The following PLET1 variants were observed in gnomAD, a reference collection of about 807,000 sequenced individuals.
PLET1 encodes placenta-expressed transcript 1 protein.
In PLET1, 20 loss-of-function variants were observed where a neutral mutation model predicts 18.5. The ratio of observed to expected loss-of-function variants is 1.08; its 90% CI spans 0.76 to 1.57. The LOEUF (loss-of-function observed/expected upper bound fraction) is 1.57, where lower values mean the gene tolerates loss of function less well. Ranked by LOEUF, PLET1 falls within the 40% of genes most tolerant of loss-of-function variation. The pLI is 0.00. For missense variants in PLET1, 256 were observed against 246.4 expected (o/e 1.04, Z -0.26); for synonymous variants, 93 against 93.8 (o/e 0.99, Z 0.05).
chr11:112,259,224 T>C (rs887219278), intron 1 of PLET1, among the ~76,000 whole-genome samples: 3 of 152,188 alleles, frequency 2.0e-5, no homozygotes, highest in African/African-American at 4.8e-5. Flanking sequence ...GAAGAGTATA[T>C]AGTGGTTAAA....
intron 2 of PLET1, among the ~76,000 whole-genome samples, chr11:112,254,987 TATGTG>T (rs1318543453): frequency 9.8e-6 from 1 of 102,364 alleles, no homozygotes; most frequent in African/African-American, 3.5e-5. Context: ...GTGTGTGTGA[TATGTG>T]GTGTGTGGTA....
At chr11:112,258,277 C>G (rs1015728459) in intron 1 of PLET1, among the ~76,000 whole-genome samples, 2 of 128,384 alleles carry the variant, frequency 1.6e-5, no homozygotes, top group African/African-American at 5.6e-5. Context: ...AGATTTCTTT[C>G]TTTCTTTTTT....
chr11:112,258,573 C>A (rs1171447691), intron 1 of PLET1, among the ~76,000 whole-genome samples: 1 of 152,088 alleles, frequency 6.6e-6, no homozygotes, highest in Non-Finnish European at 1.5e-5. Flanking sequence ...TGTGAGCCAC[C>A]ATGCTCAGTG....
Position 112,248,710 on chromosome 11 carries a change from T to C in PLET1, c.*89A>G. The C allele has an allele frequency of 7.1e-7, 1 of 1,407,030 alleles. No individual in the cohort carries two copies. Among genetic ancestry groups the C allele is most frequent in the Admixed American group, 2.3e-5 (1 of 44,106 alleles). 87.2% of individuals were successfully genotyped at this position (1,407,030 alleles called of 1,614,324 possible). On this transcript the variant is annotated 3_prime_UTR_variant, in exon 4 of 4. Transcript: ENST00000338832. ...CACATTTGAGAATGTAAAGCCTTCA[T>C]TTACACACATTCGGTTCCCAGCACT... is the stretch of plus-strand genomic sequence containing the variant.
intron 2 of PLET1, among the ~76,000 whole-genome samples, chr11:112,254,190 G>GT (rs144110459): frequency 7.1e-6 from 1 of 141,174 alleles, no homozygotes; most frequent in South Asian, 2.3e-4. Flanking sequence ...GAGCATAAGT[G>GT]GTGTGTGTGT....
Position 112,248,384 on chromosome 11 carries a change from T to C in PLET1, c.*415A>G. On this transcript the variant is annotated 3_prime_UTR_variant, in exon 4 of 4. Transcript: ENST00000338832. ...TCACAGAAGTTCCTTGTAACCTGAA[T>C]GGGTTTGGTTAGAAATCTGAGATCA... The C allele has an allele frequency of 5.1e-6, 2 of 392,176 alleles. No individual in the cohort carries two copies. The highest frequency in any genetic ancestry group is 4.5e-6 in the Non-Finnish European group (1 of 222,682). The allele number at this position is 392,176 out of a possible 1,614,324, so 24.3% of individuals were successfully genotyped here. A position where few individuals can be genotyped will look rare whatever the true frequency, so the allele number is the denominator to read the frequency against.
In PLET1 at chr11:112,248,322, ATTTCTCC is replaced by A. The variant is rs532687331; in HGVS notation, c.*470_*476del. Among the ~76,000 whole-genome samples the A allele has an allele frequency of 7.4e-4, 112 of 152,292 alleles. 1 individual carries two copies. The South Asian group carries it at 9.5e-3, about 13-fold the overall frequency. On this transcript the variant is annotated 3_prime_UTR_variant, in exon 4 of 4. Coordinates refer to ENST00000338832, the MANE Select transcript of PLET1 (RefSeq NM_001145024.1). ...GGAAGCTGCCAGCAGCCTCAGAGCT[ATTTCTCC>A]TTTCTCCTTTCTTTCTTGAGTCACA...
At chr11:112,258,863 T>C (rs1860255118) in intron 1 of PLET1, among the ~76,000 whole-genome samples, 2 of 152,164 alleles carry the variant, frequency 1.3e-5, no homozygotes, top group South Asian at 4.1e-4. Flanking sequence ...AGACAAAAGA[T>C]AAGCAAGGTG....
At chr11:112,255,622 T>A (rs1860217804) in intron 1 of PLET1, 33 bp from the exon 2 acceptor site, 1 of 1,535,252 alleles carries the variant, frequency 6.5e-7, no homozygotes, top group Non-Finnish European at 8.8e-7. Flanking sequence ...CAATCAGCCA[T>A]CTGTTCCCTC....
chr11:112,248,723 G>T lies in PLET1; in HGVS notation c.*76C>A. Reference sequence around the variant, plus strand: ...GTAAAGCCTTCATTTACACACATTCGGTTCCCAGCACTAGCTTGGAACTGA... The same window carrying T: ...GTAAAGCCTTCATTTACACACATTCTGTTCCCAGCACTAGCTTGGAACTGA... On this transcript the variant is annotated 3_prime_UTR_variant, in exon 4 of 4. Coordinates refer to ENST00000338832, the MANE Select transcript of PLET1 (RefSeq NM_001145024.1). 3.5e-6 allele frequency: 5 copies of T among 1,438,380 alleles called. No individual in the cohort carries two copies. The highest frequency in any genetic ancestry group is 4.7e-6 in the Non-Finnish European group (5 of 1,060,058). The allele number at this position is 1,438,380 out of a possible 1,614,324, so 89.1% of individuals were successfully genotyped here.
chr11:112,260,487 A>G lies in PLET1; in HGVS notation c.103T>C (p.Phe35Leu). The G allele has an allele frequency of 6.4e-7, 1 of 1,551,788 alleles. No homozygotes were observed. The highest frequency in any genetic ancestry group is 8.7e-7 in the Non-Finnish European group (1 of 1,146,972). The change falls in exon 1 of 4, where the codon TTC (phenylalanine) becomes CTC (leucine). Residue 35 changes from phenylalanine (F) to leucine (L), a missense_variant. Transcript: ENST00000338832. ...ATGGTGTAGTATTCATCAAAGGTGAAGCAGGTGCTACTGTACCTTATAAAG... is the reference window on the plus strand; with the variant it reads ...ATGGTGTAGTATTCATCAAAGGTGAGGCAGGTGCTACTGTACCTTATAAAG... ...ATFIRYSSTC[F>L]TFDEYYTITL...
chr11:112,257,372 CTT>C (rs5794786), intron 1 of PLET1, among the ~76,000 whole-genome samples: 2 of 145,586 alleles, frequency 1.4e-5, no homozygotes, highest in Admixed American at 6.8e-5. Flanking sequence ...ACTCTCGTTC[CTT>C]TTTTTTTTTT....
At chr11:112,253,986 T>C (rs1303367892) in intron 2 of PLET1, among the ~76,000 whole-genome samples, 1 of 152,224 alleles carries the variant, frequency 6.6e-6, no homozygotes, top group Non-Finnish European at 1.5e-5. Flanking sequence ...CTAATGCGAT[T>C]CCAGGTGACC....
intron 2 of PLET1, 56 bp downstream of exon 2, chr11:112,255,332 G>A: frequency 3.3e-6 from 5 of 1,498,660 alleles, no homozygotes; most frequent in Non-Finnish European, 4.5e-6. Context: ...GTGTAAAACT[G>A]CATAAACCCA....
At chr11:112,256,424 A>C (rs568133347) in intron 1 of PLET1, among the ~76,000 whole-genome samples, 1 of 152,286 alleles carries the variant, frequency 6.6e-6, no homozygotes, top group Non-Finnish European at 1.5e-5. Context: ...CCTGGATCTG[A>C]ATTCTGACTA....
At chr11:112,254,483 G>A (rs961372491) in intron 2 of PLET1, among the ~76,000 whole-genome samples, 13 of 146,276 alleles carry the variant, frequency 8.9e-5, no homozygotes, top group Non-Finnish European at 1.4e-4. Context: ...CATGTGGTAT[G>A]TATGTGTGTG....
Position 112,248,337 on chromosome 11 carries a change from T to C in PLET1, c.*462A>G. 2.8e-6 allele frequency: 1 copy of C among 363,592 alleles called. No homozygotes were observed. The highest frequency in any genetic ancestry group is 4.9e-6 in the Non-Finnish European group (1 of 204,990). 22.5% of individuals were successfully genotyped at this position (363,592 alleles called of 1,614,324 possible). Reference sequence around the variant, plus strand: ...CCTCAGAGCTATTTCTCCTTTCTCCTTTCTTTCTTGAGTCACATGAGTCAC... The same window carrying C: ...CCTCAGAGCTATTTCTCCTTTCTCCCTTCTTTCTTGAGTCACATGAGTCAC... On this transcript the variant is annotated 3_prime_UTR_variant, in exon 4 of 4. Coordinates refer to ENST00000338832, the MANE Select transcript of PLET1 (RefSeq NM_001145024.1).
chr11:112,256,922 C>T (rs1349975784), intron 1 of PLET1, among the ~76,000 whole-genome samples: 1 of 152,192 alleles, frequency 6.6e-6, no homozygotes, highest in African/African-American at 2.4e-5. Context: ...CCTCTTTCTT[C>T]CTTCCTAGGC....
rs1419923382 is a variant in PLET1, at chr11:112,254,625, TATGAGTGTGTGTG to T, written c.386+750_386+762del. Reference sequence around the variant, plus strand: ...TGGCATGTGTGTATGGTGTGTGTGGTATGAGTGTGTGTGGTGTGTGGTGTGTGCTGTGTGTGTG... The same window carrying T: ...TGGCATGTGTGTATGGTGTGTGTGGTGTGTGTGGTGTGTGCTGTGTGTGTG... On this transcript the variant is annotated intron_variant, in intron 2 of 3. Coordinates refer to ENST00000338832, the MANE Select transcript of PLET1 (RefSeq NM_001145024.1). Among the ~76,000 whole-genome samples the T allele has an allele frequency of 1.7e-4, 17 of 101,060 alleles. No homozygotes were observed. In the South Asian group the frequency reaches 3.1e-3, roughly 18 times the overall value. The allele number at this position is 101,060 out of a possible 152,430, so 66.3% of individuals were successfully genotyped here.
Sources: gnomAD v4.1 joint callset for allele counts (sites outside exome capture counted in the v4.1 genomes callset) on GRCh38, gnomAD v4.1.1 for gene constraint, MANE v1.5 for transcripts, NCBI Gene and HGNC (gene_info 2026-07-23, HGNC 2026-07-21) for gene names.